The following KLF13 variants were observed in gnomAD, a reference collection of about 807,000 sequenced individuals.
KLF13 encodes the protein Krueppel-like factor 13.
A neutral mutation model predicts 16.7 loss-of-function variants in KLF13; 8 were observed. That is an observed-to-expected ratio of 0.48 (90% CI 0.28 to 0.87). The LOEUF (loss-of-function observed/expected upper bound fraction) is 0.87, where lower values mean the gene tolerates loss of function less well. Ranked by LOEUF, KLF13 falls within the 40% of genes least tolerant of loss-of-function variation. The pLI, the probability that KLF13 is intolerant of heterozygous loss-of-function variation, is 0.10. For synonymous variants in KLF13, 245 were observed against 208.4 expected (o/e 1.18, Z -1.51); for missense variants, 447 against 452.2 (o/e 0.99, Z 0.10).
chr15:31,394,780 C>T (rs2039932590), intron 2 of KLF13, among the ~76,000 whole-genome samples: 1 of 152,142 alleles, frequency 6.6e-6, no homozygotes, highest in Admixed American at 6.5e-5. Context: ...AAAATAAAAC[C>T]CTGTACCCTT....
At chr15:31,347,694 A>G (rs2039146393) in intron 1 of KLF13, among the ~76,000 whole-genome samples, 1 of 152,224 alleles carries the variant, frequency 6.6e-6, no homozygotes, top group Non-Finnish European at 1.5e-5. Context: ...TGGGTGTCAC[A>G]GTGGCTGGGC....
intron 1 of KLF13, among the ~76,000 whole-genome samples, chr15:31,427,464 G>C (rs1267838408): frequency 6.6e-6 from 1 of 152,166 alleles, no homozygotes; most frequent in Non-Finnish European, 1.5e-5. Flanking sequence ...CCTGACTTCT[G>C]AGTATAGATT....
At chr15:31,358,875 C>T (rs1204464611) in intron 1 of KLF13, among the ~76,000 whole-genome samples, 1 of 152,238 alleles carries the variant, frequency 6.6e-6, no homozygotes, top group Non-Finnish European at 1.5e-5. Context: ...TAACCGCACA[C>T]TGGCTCCTGA....
In KLF13 at chr15:31,377,086, G is replaced by C. The variant is rs867130180; in HGVS notation, c.*4787G>C. On this transcript the variant is annotated 3_prime_UTR_variant, in exon 2 of 2. Transcript: ENST00000307145. ...CTTCTAGAGGGCCCGTGGACAGGTC[G>C]CAGTGCGTGCTTATTTGGAAACCAG... 11 of 152,218 alleles carry C rather than the reference G, an allele frequency of 7.2e-5. 1 individual carries two copies. The Middle Eastern group carries it at 0.024, about 329-fold the overall frequency. 9.4% of individuals were successfully genotyped at this position (152,218 alleles called of 1,614,324 possible).
Position 31,338,318 on chromosome 15 carries a change from A to G in KLF13, c.577+10529A>G, listed in dbSNP as rs576035141. 1.2e-4 allele frequency among the ~76,000 whole-genome samples: 19 copies of G among 152,126 alleles called. No homozygotes were observed. The South Asian group carries it at 1.5e-3, about 12-fold the overall frequency. On this transcript the variant is annotated intron_variant, in intron 1 of 1. Coordinates refer to ENST00000307145, the MANE Select transcript of KLF13 (RefSeq NM_015995.4). The stretch of plus-strand genomic sequence containing the variant: ...TGTGAGTGTGTGCACGTGTATGTGT[A>G]TGTGTGTGTGTATATATGCCCGTAT...
Position 31,327,769 on chromosome 15 carries a change from C to G in KLF13, c.557C>G (p.Ala186Gly). 1 of 1,529,928 alleles carries G rather than the reference C, an allele frequency of 6.5e-7. No individual in the cohort carries two copies. Among genetic ancestry groups the G allele is most frequent in the Non-Finnish European group, 8.8e-7 (1 of 1,134,026 alleles). 94.8% of individuals were successfully genotyped at this position (1,529,928 alleles called of 1,614,324 possible). The stretch of plus-strand genomic sequence containing the variant: ...TACGGGAAATCTTCGCACCTCAAGG[C>G]GCACCTGAGAACTCACACAGGTCAG... ...KVYGKSSHLK[A>G]HLRTHTGERP... Residue 186 changes from alanine (A) to glycine (G), a missense_variant, in exon 1 of 2, where the codon GCG (alanine) becomes GGG (glycine). Ala to Gly is a moderately conservative substitution (Grantham distance 60). This residue lies in a region of KLF13 where 359 missense variants were observed against 282.8 expected (regional missense o/e 1.27). Transcript: ENST00000307145.
At chr15:31,393,737 A>G (rs1484934607) in intron 2 of KLF13, 2 of 152,314 alleles carry the variant, frequency 1.3e-5, no homozygotes, top group Non-Finnish European at 2.9e-5. Flanking sequence ...CATGTTCATT[A>G]TGGCCCAGGC....
intron 1 of KLF13, among the ~76,000 whole-genome samples, chr15:31,334,845 G>C (rs7182887): frequency 0.044 from 6,681 of 152,326 alleles, 486 homozygotes; most frequent in African/African-American, 0.15. Flanking sequence ...TGTGCTGTGT[G>C]GCTGAGGTTG....
At chr15:31,415,801 A>ATT (rs2040247674) in intron 1 of KLF13, among the ~76,000 whole-genome samples, 1 of 152,084 alleles carries the variant, frequency 6.6e-6, no homozygotes, top group Non-Finnish European at 1.5e-5. Context: ...AATGAAATAG[A>ATT]GAATAAAAAA....
At chr15:31,423,103 ATACGTATACGT>A (rs1566848094) in intron 1 of KLF13, among the ~76,000 whole-genome samples, 4 of 121,492 alleles carry the variant, frequency 3.3e-5, no homozygotes, top group African/African-American at 7.0e-5. Context: ...ATATATACGT[ATACGTATACGT>A]ATATATACGT....
chr15:31,365,533 T>C (rs1266673393), intron 1 of KLF13, among the ~76,000 whole-genome samples: 1 of 139,242 alleles, frequency 7.2e-6, no homozygotes, highest in Non-Finnish European at 1.5e-5. Context: ...AAATGACCAC[T>C]CAACAGGCTT....
intron 1 of KLF13, among the ~76,000 whole-genome samples, chr15:31,417,783 T>A (rs142554132): frequency 0.018 from 2,663 of 152,152 alleles, 34 homozygotes; most frequent in Middle Eastern, 0.031. Context: ...TGACCTTAGG[T>A]GATCTGCCTG....
intron 1 of KLF13, among the ~76,000 whole-genome samples, chr15:31,344,494 T>C (rs969459329): frequency 3.3e-5 from 5 of 152,144 alleles, no homozygotes; most frequent in Admixed American, 6.5e-5. Context: ...TGGTGGCCTT[T>C]GGGGGTGACT....
chr15:31,330,829 C>G (rs1468821923), intron 1 of KLF13, among the ~76,000 whole-genome samples: 1 of 152,196 alleles, frequency 6.6e-6, no homozygotes, highest in Non-Finnish European at 1.5e-5. Context: ...ATTATTTGGC[C>G]AATTAGAACT....
Position 31,432,064 on chromosome 15 carries a change from T to G in KLF13, n.118-3306T>G, listed in dbSNP as rs922175247. On this transcript the variant is annotated intron_variant and non_coding_transcript_variant, in intron 1 of 1. Coordinates refer to the KLF13 transcript ENST00000558225. ...AACTTGCTAAGTTGAACATTTGCATTTTAAACATTTTTCTGGATGTATGTT... is the reference window on the plus strand; with the variant it reads ...AACTTGCTAAGTTGAACATTTGCATGTTAAACATTTTTCTGGATGTATGTT... 2.7e-4 allele frequency among the ~76,000 whole-genome samples: 41 copies of G among 152,162 alleles called. 1 individual carries two copies. The highest frequency in any genetic ancestry group is 2.9e-5 in the Non-Finnish European group (2 of 68,036).
downstream of KLF13, among the ~76,000 whole-genome samples, chr15:31,382,729 G>A (rs1314431747): frequency 6.6e-6 from 1 of 152,228 alleles, no homozygotes; most frequent in Non-Finnish European, 1.5e-5. Flanking sequence ...CCTCCCTTCA[G>A]GGCCCACCAA....
chr15:31,392,592 C>T (rs1381710715), upstream of KLF13, among the ~76,000 whole-genome samples: 1 of 152,244 alleles, frequency 6.6e-6, no homozygotes, highest in African/African-American at 2.4e-5. Context: ...CCACGGGACT[C>T]GGCTCTTCCT....
intron 1 of KLF13, among the ~76,000 whole-genome samples, chr15:31,350,821 G>C (rs773622585): frequency 1.3e-5 from 2 of 152,240 alleles, no homozygotes; most frequent in African/African-American, 4.8e-5. Context: ...CTTGAGGTGC[G>C]CCCATGGCCA....
intron 1 of KLF13, among the ~76,000 whole-genome samples, chr15:31,429,888 T>C (rs2040450709): frequency 6.6e-6 from 1 of 152,026 alleles, no homozygotes; most frequent in Non-Finnish European, 1.5e-5. Context: ...CACCCGCCAC[T>C]ATGCCTGGTT....
Sources: gnomAD v4.1 joint callset for allele counts (sites outside exome capture counted in the v4.1 genomes callset) on GRCh38, gnomAD v4.1.1 for gene constraint, gnomAD v4.1.1 regional missense constraint, MANE v1.5 for transcripts, NCBI Gene and HGNC (gene_info 2026-07-23, HGNC 2026-07-21) for gene names.